Variants in TENM4 observed in about 807,000 individuals in gnomAD.
The protein encoded by TENM4 is teneurin transmembrane protein 4, also known as teneurin-4.
In TENM4, 82 loss-of-function variants were observed where a neutral mutation model predicts 243.3. The observed-to-expected ratio is 0.34, with a 90% CI of 0.28 to 0.40. TENM4 has a LOEUF of 0.40. TENM4 is among the 10% of genes least tolerant of loss of function. TENM4 has a pLI of 1.00. For synonymous variants in TENM4, 1,412 were observed against 1,456.3 expected (o/e 0.97, Z 0.69); for missense variants, 3,138 against 3,673.3 (o/e 0.85, Z 3.77).
intron 1 of TENM4, among the ~76,000 whole-genome samples, chr11:79,336,211 G>C (rs1471669179): frequency 6.6e-6 from 1 of 152,166 alleles, no homozygotes; most frequent in Non-Finnish European, 1.5e-5. Context: ...AAGGAGGTAT[G>C]GTTTAGTCCA....
At chr11:78,899,716 T>C (rs1855886692) in intron 7 of TENM4, among the ~76,000 whole-genome samples, 1 of 152,100 alleles carries the variant, frequency 6.6e-6, no homozygotes, top group Non-Finnish European at 1.5e-5. Context: ...ATTAGTTCCT[T>C]CCAGAGCTGG....
intron 3 of TENM4, among the ~76,000 whole-genome samples, chr11:79,209,073 G>A (rs1001561337): frequency 1.3e-5 from 2 of 152,174 alleles, no homozygotes; most frequent in African/African-American, 4.8e-5. Flanking sequence ...GGAGGATTTG[G>A]TAATTGAATC....
chr11:79,192,048 A>G (rs934394420), intron 3 of TENM4, among the ~76,000 whole-genome samples: 1 of 147,040 alleles, frequency 6.8e-6, no homozygotes, highest in Non-Finnish European at 1.5e-5. Flanking sequence ...CTGCCCAGCC[A>G]GGAGCCCCTC....
At chr11:79,070,065 C>T in intron 4 of TENM4, 56 bp from the exon 5 acceptor site, 1 of 1,454,818 alleles carries the variant, frequency 6.9e-7, no homozygotes, top group South Asian at 1.4e-5. Flanking sequence ...TTCCCGGGTT[C>T]ATCCTGGTCC....
intron 12 of TENM4, among the ~76,000 whole-genome samples, chr11:78,827,645 A>G (rs1857886761): frequency 6.6e-6 from 1 of 152,138 alleles, no homozygotes; most frequent in African/African-American, 2.4e-5. Flanking sequence ...ATGCACCACC[A>G]TGCCTGGTTA....
rs59565495 is a variant in TENM4 at position 79,226,259 on chromosome 11, C to A, written c.-264-10350G>T. On this transcript the variant is annotated intron_variant, in intron 2 of 33. Coordinates refer to ENST00000278550, the MANE Select transcript of TENM4 (RefSeq NM_001098816.3). ...GTTTTATGTTATTTTCTTGGCTGTACAAACTTAGGAACCCTTTGTTTCTTC... is the reference window on the plus strand; with the variant it reads ...GTTTTATGTTATTTTCTTGGCTGTAAAAACTTAGGAACCCTTTGTTTCTTC... Among the ~76,000 whole-genome samples the A allele has an allele frequency of 7.9e-3, 1,200 of 152,316 alleles. 20 individuals carry two copies. Among genetic ancestry groups the A allele is most frequent in the African/African-American group, 0.028 (1,146 of 41,584 alleles).
chr11:79,061,796 G>T (rs1374701086), intron 6 of TENM4, among the ~76,000 whole-genome samples: 2 of 152,116 alleles, frequency 1.3e-5, no homozygotes, highest in Admixed American at 6.5e-5. Context: ...ATCTCATTTT[G>T]CTTGCTGTGT....
chr11:79,290,142 G>A (rs1856330148), intron 2 of TENM4, among the ~76,000 whole-genome samples: 2 of 152,008 alleles, frequency 1.3e-5, no homozygotes, highest in African/African-American at 4.8e-5. Context: ...TATAAATGAT[G>A]GGTTGGCTCT....
chr11:78,696,900 G>C (rs1371446392), intron 28 of TENM4, among the ~76,000 whole-genome samples: 1 of 151,976 alleles, frequency 6.6e-6, no homozygotes, highest in Non-Finnish European at 1.5e-5. Context: ...TCATTCAGCT[G>C]AAAGGATTTT....
intron 4 of TENM4, among the ~76,000 whole-genome samples, chr11:79,128,630 C>T (rs563589005): frequency 1.3e-5 from 2 of 152,308 alleles, no homozygotes; most frequent in South Asian, 4.2e-4. Flanking sequence ...GATATGCATG[C>T]ACCACCTGGA....
At chr11:78,778,443 T>C (rs1856779500) in intron 17 of TENM4, among the ~76,000 whole-genome samples, 159 bp downstream of exon 17, 1 of 152,164 alleles carries the variant, frequency 6.6e-6, no homozygotes, top group Non-Finnish European at 1.5e-5. Context: ...CCCATCCCCT[T>C]TGGGCAATGG....
intron 12 of TENM4, among the ~76,000 whole-genome samples, chr11:78,827,769 G>A (rs1445272970): frequency 6.6e-6 from 1 of 152,252 alleles, no homozygotes; most frequent in East Asian, 1.9e-4. Flanking sequence ...GATTACAGGC[G>A]TGAGCCACTG....
chr11:79,296,466 C>G (rs1828419119), intron 2 of TENM4, among the ~76,000 whole-genome samples: 2 of 152,206 alleles, frequency 1.3e-5, no homozygotes, highest in South Asian at 4.1e-4. Flanking sequence ...TGCCTTCACT[C>G]TCAGGCGGAG....
intron 2 of TENM4, among the ~76,000 whole-genome samples, chr11:79,255,851 A>G (rs1318287823): frequency 6.6e-6 from 1 of 152,214 alleles, no homozygotes; most frequent in African/African-American, 2.4e-5. Flanking sequence ...AGAGATGTAA[A>G]TAAGGTAAGA....
chr11:78,859,694 G>T (rs1858768997), intron 10 of TENM4, among the ~76,000 whole-genome samples: 1 of 152,184 alleles, frequency 6.6e-6, no homozygotes, highest in Admixed American at 6.5e-5. Flanking sequence ...CTTGCATGAA[G>T]AATTCTTTAG....
At chr11:78,885,752 T>TAC (rs755721807) in intron 9 of TENM4, among the ~76,000 whole-genome samples, 18 of 152,132 alleles carry the variant, frequency 1.2e-4, no homozygotes, top group South Asian at 4.2e-4. Context: ...ACCTCATCTC[T>TAC]ACACACACAC....
At chr11:79,000,897 G>A (rs1022561097) in intron 6 of TENM4, among the ~76,000 whole-genome samples, 2 of 152,132 alleles carry the variant, frequency 1.3e-5, no homozygotes, top group Non-Finnish European at 1.5e-5. Flanking sequence ...CAGGCCTGGT[G>A]GCATATGCCT....
chr11:78,875,984 A>C (rs1859261152), intron 9 of TENM4, among the ~76,000 whole-genome samples: 1 of 152,192 alleles, frequency 6.6e-6, no homozygotes. Flanking sequence ...TCTGAGCCTC[A>C]GGTATGGGGA....
At chr11:79,033,553 A>G (rs1216306714) in intron 6 of TENM4, among the ~76,000 whole-genome samples, 1 of 152,218 alleles carries the variant, frequency 6.6e-6, no homozygotes, top group African/African-American at 2.4e-5. Context: ...CATGGTGCCA[A>G]AGCACAAGTT....
Sources: allele counts gnomAD v4.1 joint callset (sites outside exome capture counted in the v4.1 genomes callset), GRCh38; gene constraint gnomAD v4.1.1; transcripts MANE v1.5; gene names NCBI Gene and HGNC (gene_info 2026-07-23, HGNC 2026-07-21).